The following NEK11 variants were observed in gnomAD, a reference collection of about 807,000 sequenced individuals.
NEK11 encodes the protein NIMA related kinase 11.
In NEK11, 72 loss-of-function variants were observed where a neutral mutation model predicts 80.7. The ratio of observed to expected loss-of-function variants is 0.89; its 90% CI spans 0.74 to 1.08. The LOEUF is 1.08. Ranked by LOEUF, NEK11 falls within the 50% of genes least tolerant of loss-of-function variation. NEK11 has a pLI of 0.00. For synonymous variants in NEK11, 251 were observed against 260.7 expected (o/e 0.96, Z 0.36); for missense variants, 764 against 763.6 (o/e 1.00, Z -0.01).
intron 5 of NEK11, among the ~76,000 whole-genome samples, chr3:131,126,187 C>G (rs1004875491): frequency 6.6e-6 from 1 of 152,126 alleles, no homozygotes; most frequent in African/African-American, 2.4e-5. Flanking sequence ...CCTTTATGTA[C>G]CCCACAAATT....
chr3:131,136,967 T>C (rs2085712294), intron 7 of NEK11, among the ~76,000 whole-genome samples: 1 of 152,204 alleles, frequency 6.6e-6, no homozygotes, highest in Admixed American at 6.5e-5. Context: ...AAGAAAACAA[T>C]ATTTCACTGT....
chr3:131,312,924 A>AC (rs1438972149), intron 17 of NEK11, among the ~76,000 whole-genome samples: 1 of 151,936 alleles, frequency 6.6e-6, no homozygotes, highest in Non-Finnish European at 1.5e-5. Flanking sequence ...TCACCCAGGT[A>AC]CTAAGCCTAC....
intron 5 of NEK11, among the ~76,000 whole-genome samples, chr3:131,126,955 CT>C (rs1327309723): frequency 9.5e-6 from 1 of 105,076 alleles, no homozygotes; most frequent in African/African-American, 3.7e-5. Context: ...TTCTTTCTTT[CT>C]TTCTTTTTTT....
chr3:131,091,317 T>A (rs1405906892), intron 4 of NEK11, among the ~76,000 whole-genome samples: 1 of 152,212 alleles, frequency 6.6e-6, no homozygotes, highest in African/African-American at 2.4e-5. Context: ...ACATTTCACT[T>A]TGAGGCCTGT....
intron 16 of NEK11, among the ~76,000 whole-genome samples, chr3:131,257,536 A>G (rs1354808603): frequency 6.6e-6 from 1 of 152,130 alleles, no homozygotes; most frequent in Non-Finnish European, 1.5e-5. Context: ...GTGAAAGGAG[A>G]GATGGCCCTT....
chr3:131,282,336 T>A (rs953309298), intron 17 of NEK11, among the ~76,000 whole-genome samples: 1 of 152,044 alleles, frequency 6.6e-6, no homozygotes, highest in Non-Finnish European at 1.5e-5. Context: ...CAAGTGGACA[T>A]TGCTTCTCCT....
At chr3:131,277,920 T>A (rs1210991825) in intron 17 of NEK11, among the ~76,000 whole-genome samples, 1 of 152,222 alleles carries the variant, frequency 6.6e-6, no homozygotes. Flanking sequence ...TGGCACATAG[T>A]AAGTGCTCAG....
intron 14 of NEK11, among the ~76,000 whole-genome samples, chr3:131,191,150 C>T (rs73873808): frequency 0.011 from 1,729 of 152,240 alleles, 41 homozygotes; most frequent in African/African-American, 0.039. Flanking sequence ...TCAAAAAATA[C>T]ATTTAATACC....
intron 3 of NEK11, among the ~76,000 whole-genome samples, chr3:131,051,988 C>A (rs997599640): frequency 6.6e-6 from 1 of 152,184 alleles, no homozygotes; most frequent in African/African-American, 2.4e-5. Flanking sequence ...TTCTCATCCT[C>A]TTCCCCAAAA....
chr3:131,329,251 C>T (rs1299321806), intron 17 of NEK11: 1 of 151,988 alleles, frequency 6.6e-6, no homozygotes, highest in African/African-American at 2.4e-5. Flanking sequence ...AGCTAAAAAC[C>T]ATAAAAGTGA....
chr3:131,342,537 G>C (rs899003982), intron 17 of NEK11, among the ~76,000 whole-genome samples: 1 of 145,174 alleles, frequency 6.9e-6, no homozygotes, highest in Non-Finnish European at 1.5e-5. Context: ...TGTGTCACTA[G>C]TCTCCTGGTG....
intron 17 of NEK11, among the ~76,000 whole-genome samples, chr3:131,333,006 G>C (rs1040191911): frequency 5.0e-4 from 76 of 152,204 alleles, no homozygotes; most frequent in Non-Finnish European, 9.3e-4. Flanking sequence ...GTACCTGAAA[G>C]TGACGGGGAG....
At chr3:131,333,418 G>A (rs2097128424) in intron 17 of NEK11, among the ~76,000 whole-genome samples, 1 of 152,128 alleles carries the variant, frequency 6.6e-6, no homozygotes, top group Admixed American at 6.5e-5. Flanking sequence ...AGCAAATGCT[G>A]AGAGATTTTG....
intron 4 of NEK11, among the ~76,000 whole-genome samples, chr3:131,086,357 C>T (rs150282304): frequency 6.6e-6 from 1 of 152,154 alleles, no homozygotes; most frequent in African/African-American, 2.4e-5. Flanking sequence ...ATATATTTCT[C>T]TCATTCTTTC....
At chr3:131,133,179 T>A in intron 6 of NEK11, 1 of 439,232 alleles carries the variant, frequency 2.3e-6, no homozygotes, top group South Asian at 1.6e-5. Context: ...TTTATATTAT[T>A]TCATCACAAG....
At chr3:131,029,960 C>A in intron 3 of NEK11, 82 bp downstream of exon 3, 2 of 1,339,838 alleles carry the variant, frequency 1.5e-6, no homozygotes, top group South Asian at 1.2e-5. Flanking sequence ...ATGGAGCAGG[C>A]CAGGTATGGT....
intron 16 of NEK11, among the ~76,000 whole-genome samples, chr3:131,249,746 A>T (rs1181403191): frequency 6.6e-6 from 1 of 152,136 alleles, no homozygotes; most frequent in South Asian, 2.1e-4. Flanking sequence ...AATCCTAAGG[A>T]TGTTAACATT....
At chr3:131,264,114 C>T in intron 16 of NEK11, among the ~76,000 whole-genome samples, 3 of 151,960 alleles carry the variant, frequency 2.0e-5, no homozygotes, top group Non-Finnish European at 1.5e-5. Flanking sequence ...TAGATATTAG[C>T]CCTTTGTCAG....
At chr3:131,074,144 C>T (rs77174037) in intron 3 of NEK11, among the ~76,000 whole-genome samples, 2,105 of 152,264 alleles carry the variant, frequency 0.014, 45 homozygotes, top group African/African-American at 0.048. Flanking sequence ...TTTCCTATTA[C>T]TTCCCAAATT....
Sources: allele counts gnomAD v4.1 joint callset (sites outside exome capture counted in the v4.1 genomes callset), GRCh38; gene constraint gnomAD v4.1.1; transcripts MANE v1.5; gene names NCBI Gene and HGNC (gene_info 2026-07-23, HGNC 2026-07-21).